Variants in COL21A1 observed in about 807,000 individuals in gnomAD.
COL21A1 encodes collagen type XXI alpha 1 chain, also known as collagen alpha-1(XXI) chain.
In COL21A1, 149 loss-of-function variants were observed where a neutral mutation model predicts 137.9. The observed-to-expected ratio is 1.08, with a 90% confidence interval of 0.95 to 1.24. The LOEUF (loss-of-function observed/expected upper bound fraction) is 1.24, where lower values mean the gene tolerates loss of function less well. Ranked by LOEUF, COL21A1 falls within the 50% of genes most tolerant of loss-of-function variation. The probability of loss-of-function intolerance (pLI) is 0.00; values close to 1 mark genes in which losing one functional copy is unlikely to be tolerated. For missense variants in COL21A1, 1,167 were observed against 1,158.4 expected (o/e 1.01, Z -0.11); for synonymous variants, 456 against 391.5 (o/e 1.16, Z -1.95).
intron 10 of COL21A1, among the ~76,000 whole-genome samples, chr6:56,143,526 A>G (rs556072172): frequency 3.3e-5 from 5 of 152,114 alleles, no homozygotes; most frequent in South Asian, 4.2e-4. Flanking sequence ...ATCACCAACC[A>G]TCATCCTTTC....
At chr6:56,332,587 C>G (rs943144658) in intron 1 of COL21A1, among the ~76,000 whole-genome samples, 14 of 148,104 alleles carry the variant, frequency 9.5e-5, no homozygotes, top group Admixed American at 8.7e-4. Context: ...ATAGCCCCCC[C>G]GCCCCCGCCA....
At chr6:56,178,449 T>C (rs1257001710) in intron 3 of COL21A1, among the ~76,000 whole-genome samples, 1 of 152,136 alleles carries the variant, frequency 6.6e-6, no homozygotes, top group African/African-American at 2.4e-5. Context: ...AAAGTTTTTC[T>C]CTACCATATC....
intron 1 of COL21A1, among the ~76,000 whole-genome samples, chr6:56,311,767 T>C (rs1258848049): frequency 6.6e-6 from 1 of 152,176 alleles, no homozygotes; most frequent in Non-Finnish European, 1.5e-5. Context: ...GGTCACTCCC[T>C]TTGAGGAATG....
chr6:56,069,070 A>G lies in COL21A1; in HGVS notation c.2067T>C (p.Gly689=). Residue 689 remains glycine, a synonymous_variant, in exon 22 of 30, where the codon GGT becomes GGC. Coordinates refer to ENST00000244728, the MANE Select transcript of COL21A1 (RefSeq NM_030820.4). ...TGSPGEPGYM[G]LPGIQGKKGD... is the part of the protein sequence containing the mutation. ...CCTTTTTTCCTTGAATCCCGGGTAA[A>G]CCCATGTATCCTGGTTCTCCTGGGG... The G allele has an allele frequency of 6.2e-7, 1 of 1,600,370 alleles. No individual in the cohort carries two copies. Among genetic ancestry groups the G allele is most frequent in the African/African-American group, 1.3e-5 (1 of 74,150 alleles).
At chr6:56,348,409 C>A (rs1381535554) in intron 1 of COL21A1, among the ~76,000 whole-genome samples, 3 of 152,074 alleles carry the variant, frequency 2.0e-5, no homozygotes, top group African/African-American at 7.2e-5. Flanking sequence ...AACTTTTGTC[C>A]CCTGGAAACA....
At chr6:56,112,246 G>T (rs996133131) in intron 16 of COL21A1, among the ~76,000 whole-genome samples, 14 of 152,158 alleles carry the variant, frequency 9.2e-5, no homozygotes, top group African/African-American at 3.1e-4. Flanking sequence ...AAAAAAATGA[G>T]ACCTGATTTT....
In COL21A1 at chr6:56,060,840, G is replaced by A. The variant is rs746843787; in HGVS notation, c.2353-45C>T. On this transcript the variant is annotated intron_variant, in intron 26 of 29. Transcript: ENST00000244728. Reference sequence around the variant, plus strand: ...GTTATAACATGCACATAAAGAACATGAGCAAAAATCAATGAAAATGTAATA... The same window carrying A: ...GTTATAACATGCACATAAAGAACATAAGCAAAAATCAATGAAAATGTAATA... 4.4e-6 allele frequency: 7 copies of A among 1,585,044 alleles called. No homozygotes were observed. The East Asian group carries it at 1.6e-4, about 36-fold the overall frequency.
chr6:56,128,741 GC>G (rs887142210), intron 12 of COL21A1, among the ~76,000 whole-genome samples: 1 of 152,088 alleles, frequency 6.6e-6, no homozygotes, highest in African/African-American at 2.4e-5. Flanking sequence ...TGCAACCTCT[GC>G]CCCCCAGGCT....
intron 17 of COL21A1, among the ~76,000 whole-genome samples, chr6:56,096,412 T>C (rs1171420072): frequency 6.6e-6 from 1 of 152,210 alleles, no homozygotes; most frequent in Non-Finnish European, 1.5e-5. Flanking sequence ...ATATAATCTT[T>C]AAACATAGCA....
intron 9 of COL21A1, among the ~76,000 whole-genome samples, chr6:56,158,126 T>C (rs1029880176): frequency 6.6e-6 from 1 of 152,116 alleles, no homozygotes; most frequent in Admixed American, 6.5e-5. Flanking sequence ...CATAGGTATC[T>C]ATCTCTGAAT....
intron 1 of COL21A1, among the ~76,000 whole-genome samples, chr6:56,354,741 A>G (rs1765794066): frequency 6.6e-6 from 1 of 152,124 alleles, no homozygotes; most frequent in African/African-American, 2.4e-5. Flanking sequence ...ATGGTGGTGC[A>G]TGCCTGCAGC....
At chr6:56,370,582 T>C (rs556356725) in intron 1 of COL21A1, among the ~76,000 whole-genome samples, 1 of 152,340 alleles carries the variant, frequency 6.6e-6, no homozygotes, top group Admixed American at 6.5e-5. Context: ...AACCGTACAA[T>C]TGGGCTTTAT....
At chr6:56,095,171 C>T (rs1192874358) in intron 17 of COL21A1, among the ~76,000 whole-genome samples, 1 of 152,128 alleles carries the variant, frequency 6.6e-6, no homozygotes, top group Non-Finnish European at 1.5e-5. Flanking sequence ...TAGACCTTCT[C>T]TTTAAATGCC....
chr6:56,368,163 G>C (rs963054614), intron 1 of COL21A1, among the ~76,000 whole-genome samples: 2 of 152,036 alleles, frequency 1.3e-5, no homozygotes, highest in African/African-American at 2.4e-5. Flanking sequence ...GCTGTCCTTT[G>C]ACTCAACTAA....
chr6:56,119,573 G>A (rs1298783836), intron 16 of COL21A1, among the ~76,000 whole-genome samples: 1 of 151,964 alleles, frequency 6.6e-6, no homozygotes, highest in East Asian at 1.9e-4. Flanking sequence ...AATTTATATG[G>A]AATCACCAAA....
chr6:56,126,222 A>G (rs1230516766), intron 12 of COL21A1, 73 bp from the exon 13 acceptor site: 4 of 936,862 alleles, frequency 4.3e-6, no homozygotes, highest in Non-Finnish European at 6.6e-6. Flanking sequence ...CTATTCTTCA[A>G]CCTCACCCTT....
chr6:56,391,889 C>G (rs1314834468), intron 1 of COL21A1, among the ~76,000 whole-genome samples: 1 of 152,028 alleles, frequency 6.6e-6, no homozygotes, highest in Non-Finnish European at 1.5e-5. Flanking sequence ...CAAAGAAAAG[C>G]CCAAGACCTG....
intron 27 of COL21A1, 67 bp from the exon 28 acceptor site, chr6:56,060,285 A>T (rs1415409605): frequency 1.3e-5 from 18 of 1,335,824 alleles, no homozygotes; most frequent in Non-Finnish European, 1.8e-5. Context: ...TATATTTTTA[A>T]TTTTTTTCAG....
intron 1 of COL21A1, among the ~76,000 whole-genome samples, chr6:56,221,007 AT>A (rs1780793064): frequency 2.0e-5 from 3 of 152,100 alleles, no homozygotes; most frequent in Admixed American, 6.6e-5. Flanking sequence ...CCTCTTGTTA[AT>A]TGATATTTTG....
Sources: gnomAD v4.1 joint callset for allele counts (sites outside exome capture counted in the v4.1 genomes callset) on GRCh38, gnomAD v4.1.1 for gene constraint, MANE v1.5 for transcripts, NCBI Gene and HGNC (gene_info 2026-07-23, HGNC 2026-07-21) for gene names.